The following HINT3 variants were observed in gnomAD, a reference collection of about 807,000 sequenced individuals.
HINT3 encodes histidine triad nucleotide binding protein 3, also known as adenosine 5'-monophosphoramidase HINT3.
Under a neutral mutation model 19.1 loss-of-function variants are expected in HINT3, and 16 were observed. The observed-to-expected ratio is 0.84, with a 90% CI of 0.57 to 1.27. The LOEUF (loss-of-function observed/expected upper bound fraction) is 1.27. Among genes scored for constraint, HINT3 ranks in the 50% most tolerant of loss-of-function variants. The pLI is 0.00. For missense variants in HINT3, 197 were observed against 225.8 expected (o/e 0.87, Z 0.82); for synonymous variants, 75 against 84.8 (o/e 0.88, Z 0.63).
intron 1 of HINT3, among the ~76,000 whole-genome samples, chr6:125,958,044 G>A (rs1416501741): frequency 6.6e-6 from 1 of 152,142 alleles, no homozygotes; most frequent in Non-Finnish European, 1.5e-5. Flanking sequence ...AATGCCTCGT[G>A]CTGTGGTCAG....
In HINT3 at chr6:125,977,835, T is replaced by C. The variant is rs1789199659; in HGVS notation, c.*159T>C. ...TTCTGAATGTCTGTTTCCTAAGATCTGTGATACAGTTATGTGAATATTTTG... is the reference window on the plus strand; with the variant it reads ...TTCTGAATGTCTGTTTCCTAAGATCCGTGATACAGTTATGTGAATATTTTG... On this transcript the variant is annotated 3_prime_UTR_variant, in exon 5 of 5. Transcript: ENST00000229633. The C allele has an allele frequency of 6.5e-6, 3 of 464,136 alleles. No individual in the cohort carries two copies. Among genetic ancestry groups the C allele is most frequent in the Non-Finnish European group, 1.2e-5 (3 of 252,854 alleles). 28.8% of individuals were successfully genotyped at this position (464,136 alleles called of 1,614,324 possible).
intron 1 of HINT3, among the ~76,000 whole-genome samples, chr6:125,960,656 G>GGGGGA (rs1004354195): frequency 1.2e-4 from 8 of 69,348 alleles, no homozygotes; most frequent in Non-Finnish European, 2.2e-4. Flanking sequence ...GACTCTCTCT[G>GGGGGA]GGGGGGGGGA....
In HINT3 at chr6:125,969,465, T is replaced by C. The variant is rs113428941; in HGVS notation, c.319+2461T>C. Among the ~76,000 whole-genome samples, 114 of 152,288 alleles carry C rather than the reference T, an allele frequency of 7.5e-4. 2 individuals are homozygous for C. Among genetic ancestry groups the C allele is most frequent in the African/African-American group, 2.4e-3 (101 of 41,562 alleles). On this transcript the variant is annotated intron_variant, in intron 2 of 4. Coordinates refer to ENST00000229633, the MANE Select transcript of HINT3 (RefSeq NM_138571.5). ...TGCCTCTAGCATTGTTCTTTTTGCTTAGGATTGTCTTGGCTACTTGGGTTT... is the reference window on the plus strand; with the variant it reads ...TGCCTCTAGCATTGTTCTTTTTGCTCAGGATTGTCTTGGCTACTTGGGTTT...
chr6:125,960,180 T>G (rs914592415), intron 1 of HINT3, among the ~76,000 whole-genome samples: 4 of 152,240 alleles, frequency 2.6e-5, no homozygotes, highest in Non-Finnish European at 5.9e-5. Context: ...AGGATTGTTG[T>G]ACAGCGGGTC....
intron 1 of HINT3, among the ~76,000 whole-genome samples, chr6:125,963,743 A>G (rs932382134): frequency 6.1e-4 from 93 of 152,330 alleles, no homozygotes; most frequent in African/African-American, 2.1e-3. Context: ...CCATTAAAAC[A>G]TCATGGGAGG....
At chr6:125,958,021 G>C (rs1342661212) in intron 1 of HINT3, among the ~76,000 whole-genome samples, 1 of 152,190 alleles carries the variant, frequency 6.6e-6, no homozygotes, top group Non-Finnish European at 1.5e-5. Flanking sequence ...ATACAGAGGA[G>C]GTAGCCAGTT....
intron 1 of HINT3, among the ~76,000 whole-genome samples, chr6:125,959,576 G>C (rs1788889010): frequency 6.6e-6 from 1 of 152,234 alleles, no homozygotes; most frequent in South Asian, 2.1e-4. Flanking sequence ...GCAAAAGGCA[G>C]ATAGCAGTTG....
chr6:125,958,912 A>G (rs1244895133), intron 1 of HINT3, among the ~76,000 whole-genome samples: 2 of 152,192 alleles, frequency 1.3e-5, no homozygotes, highest in Non-Finnish European at 2.9e-5. Context: ...CCTGATTTAG[A>G]TATAAGAGGA....
At chr6:125,963,228 T>C (rs920211372) in intron 1 of HINT3, among the ~76,000 whole-genome samples, 4 of 152,166 alleles carry the variant, frequency 2.6e-5, no homozygotes, top group Non-Finnish European at 5.9e-5. Context: ...AAAATAGATG[T>C]CTTGCCATTC....
At chr6:125,974,574 C>A (rs898853479) in intron 3 of HINT3, among the ~76,000 whole-genome samples, 1 of 152,146 alleles carries the variant, frequency 6.6e-6, no homozygotes, top group Non-Finnish European at 1.5e-5. Flanking sequence ...GACATTATGC[C>A]AACTCAGAAT....
At chr6:125,976,971 A>G (rs1031239146) in intron 4 of HINT3, among the ~76,000 whole-genome samples, 3 of 151,910 alleles carry the variant, frequency 2.0e-5, no homozygotes, top group African/African-American at 4.8e-5. Flanking sequence ...GTTCCCACGC[A>G]CCCCCTACCC....
At chr6:125,957,731 C>T (rs1200089899) in intron 1 of HINT3, among the ~76,000 whole-genome samples, 4 of 152,150 alleles carry the variant, frequency 2.6e-5, no homozygotes, top group Non-Finnish European at 4.4e-5. Flanking sequence ...CTGAATTCCA[C>T]TGTCAGTTGG....
At chr6:125,962,231 TATACAC>T (rs1195553692) in intron 1 of HINT3, among the ~76,000 whole-genome samples, 2 of 30,304 alleles carry the variant, frequency 6.6e-5, no homozygotes, top group African/African-American at 5.6e-4. Context: ...TATATATATA[TATACAC>T]ATATATATAT....
Position 125,978,659 on chromosome 6 carries a change from TTG to T in HINT3, c.*986_*987del, listed in dbSNP as rs1397429188. On this transcript the variant is annotated 3_prime_UTR_variant, in exon 5 of 5. Transcript: ENST00000229633. ...GTAGGTGCTGCAAGTTAATCCTACATTGTGCCAGTGTATATTAGTACCATGTA... is the reference window on the plus strand; with the variant it reads ...GTAGGTGCTGCAAGTTAATCCTACATTGCCAGTGTATATTAGTACCATGTA... 1 of 152,196 alleles carries T rather than the reference TTG, an allele frequency of 6.6e-6. No individual in the cohort carries two copies. The highest frequency in any genetic ancestry group is 1.5e-5 in the Non-Finnish European group (1 of 68,022). The allele number at this position is 152,196 out of a possible 1,614,324, so 9.4% of individuals were successfully genotyped here.
chr6:125,964,574 G>A (rs561837262), intron 1 of HINT3, among the ~76,000 whole-genome samples: 95 of 151,926 alleles, frequency 6.3e-4, no homozygotes, highest in Middle Eastern at 3.4e-3. Context: ...AAATAATTTC[G>A]TATGTATATG....
rs1475330491 is a variant in HINT3, at chr6:125,962,167, TATATATATATATATATATACAC to T, written c.202-4700_202-4679del. Among the ~76,000 whole-genome samples the T allele has an allele frequency of 7.7e-3, 79 of 10,228 alleles. 5 individuals carry two copies. In the African/African-American group the frequency reaches 0.096, roughly 12 times the overall value. The allele number at this position is 10,228 out of a possible 152,430, so 6.7% of individuals were successfully genotyped here. Reference sequence around the variant, plus strand: ...GGAAACCCATATATATATACACATATATATATATATATATATATACACATATATATATATATATATATACACA... The same window carrying T: ...GGAAACCCATATATATATACACATATATATATATATATATATATATACACA... On this transcript the variant is annotated intron_variant, in intron 1 of 4. Coordinates refer to ENST00000229633, the MANE Select transcript of HINT3 (RefSeq NM_138571.5).
intron 2 of HINT3, among the ~76,000 whole-genome samples, chr6:125,970,327 T>C (rs948258306): frequency 6.6e-6 from 1 of 152,188 alleles, no homozygotes; most frequent in Non-Finnish European, 1.5e-5. Context: ...TAGATTTACC[T>C]GATTGAAACA....
chr6:125,959,368 G>A (rs1006337843), intron 1 of HINT3, among the ~76,000 whole-genome samples: 1 of 152,142 alleles, frequency 6.6e-6, no homozygotes, highest in African/African-American at 2.4e-5. Flanking sequence ...TAGAAGGAAC[G>A]CTGGAAAGGC....
chr6:125,962,289 C>CAT lies in HINT3; in HGVS notation c.202-4581_202-4580dup, dbSNP rs750228860. Among the ~76,000 whole-genome samples the CAT allele has an allele frequency of 8.2e-3, 562 of 68,886 alleles. 80 individuals carry two copies. The highest frequency in any genetic ancestry group is 0.048 in the African/African-American group (417 of 8,678). 45.2% of individuals were successfully genotyped at this position (68,886 alleles called of 152,430 possible). A position where few individuals can be genotyped will look rare whatever the true frequency, so the allele number is the denominator to read the frequency against. ...ATATATACATACATATATATATACA[C>CAT]ATATATATATATATATATCACACAT... On this transcript the variant is annotated intron_variant, in intron 1 of 4. Coordinates refer to ENST00000229633, the MANE Select transcript of HINT3 (RefSeq NM_138571.5).
Sources: allele counts gnomAD v4.1 joint callset (sites outside exome capture counted in the v4.1 genomes callset), GRCh38; gene constraint gnomAD v4.1.1; transcripts MANE v1.5; gene names NCBI Gene and HGNC (gene_info 2026-07-23, HGNC 2026-07-21).